The following CAPZA1 variants were observed in gnomAD, a reference collection of about 807,000 sequenced individuals.
The protein encoded by CAPZA1 is capping actin protein of muscle Z-line subunit alpha 1.
In CAPZA1, 10 loss-of-function variants were observed where a neutral mutation model predicts 40.8. The ratio of observed to expected loss-of-function variants is 0.25; its 90% CI spans 0.15 to 0.42. The LOEUF (loss-of-function observed/expected upper bound fraction) is 0.42. CAPZA1 is among the 10% of genes least tolerant of loss of function. CAPZA1 has a pLI of 1.00. For missense variants in CAPZA1, 277 were observed against 353.8 expected, an observed-to-expected ratio of 0.78 and a Z score of 1.74; for synonymous variants, 98 against 115.0, an observed-to-expected ratio of 0.85 and a Z score of 0.95.
chr1:112,643,361 C>A (rs59053530), intron 1 of CAPZA1, among the ~76,000 whole-genome samples: 3,126 of 152,238 alleles, frequency 0.021, 121 homozygotes, highest in African/African-American at 0.071. Flanking sequence ...CAGTTTTCAT[C>A]CCAGAAAAAA....
chr1:112,669,161 A>T (rs1202402184), intron 8 of CAPZA1, among the ~76,000 whole-genome samples: 1 of 152,230 alleles, frequency 6.6e-6, no homozygotes. Context: ...ATACCATTTT[A>T]AACCAGAAAT....
chr1:112,659,011 C>T lies in CAPZA1; in HGVS notation c.427-11C>T. ...TTGGAGTCTTTAACTATTTTTTTTTCCCAACAATAGGTTTATGCTAAAACT... is the reference window on the plus strand; with the variant it reads ...TTGGAGTCTTTAACTATTTTTTTTTTCCAACAATAGGTTTATGCTAAAACT... On this transcript the variant is annotated splice_polypyrimidine_tract_variant and intron_variant, in intron 5 of 9. Coordinates refer to ENST00000263168, the MANE Select transcript of CAPZA1 (RefSeq NM_006135.3). 1.3e-6 allele frequency: 2 copies of T among 1,585,640 alleles called. No homozygotes were observed. The highest frequency in any genetic ancestry group is 8.6e-7 in the Non-Finnish European group (1 of 1,158,818).
intron 1 of CAPZA1, among the ~76,000 whole-genome samples, chr1:112,645,524 C>G (rs1671262558): frequency 6.6e-6 from 1 of 151,940 alleles, no homozygotes; most frequent in Admixed American, 6.6e-5. Context: ...GTCTTAGCTA[C>G]TTGAGAGCTT....
chr1:112,657,351 C>T (rs1259488320), intron 5 of CAPZA1, among the ~76,000 whole-genome samples: 1 of 152,108 alleles, frequency 6.6e-6, no homozygotes, highest in Admixed American at 6.6e-5. Context: ...TCTGCATCAC[C>T]ACCACGTCAG....
intron 1 of CAPZA1, among the ~76,000 whole-genome samples, chr1:112,632,804 C>T (rs1203788901): frequency 6.6e-6 from 1 of 152,176 alleles, no homozygotes; most frequent in Admixed American, 6.5e-5. Flanking sequence ...TCTAATAAAA[C>T]TCTTAATTGG....
At chr1:112,633,946 A>G (rs1233825856) in intron 1 of CAPZA1, among the ~76,000 whole-genome samples, 1 of 152,026 alleles carries the variant, frequency 6.6e-6, no homozygotes, top group Non-Finnish European at 1.5e-5. Context: ...TTTTCTTGCT[A>G]TTGAGTTGTT....
intron 8 of CAPZA1, among the ~76,000 whole-genome samples, chr1:112,668,010 G>T (rs768833655): frequency 8.5e-5 from 13 of 152,092 alleles, no homozygotes; most frequent in African/African-American, 3.1e-4. Flanking sequence ...TGTGGGCCGG[G>T]AGTGGTGGCT....
At chr1:112,654,274 G>A (rs3790598) in intron 4 of CAPZA1, among the ~76,000 whole-genome samples, 191 bp from the exon 5 acceptor site, 17,741 of 152,144 alleles carry the variant, frequency 0.12, 1,327 homozygotes, top group Non-Finnish European at 0.16. Context: ...GGGATATTTT[G>A]TAGTTTAAAG....
chr1:112,647,026 A>G (rs537597841), intron 1 of CAPZA1, among the ~76,000 whole-genome samples, 184 bp from the exon 2 acceptor site: 5 of 152,236 alleles, frequency 3.3e-5, no homozygotes, highest in African/African-American at 4.8e-5. Context: ...GAATGTACCT[A>G]TATTGATAGT....
chr1:112,653,399 C>A (rs963065653), intron 3 of CAPZA1, among the ~76,000 whole-genome samples, 199 bp from the exon 4 acceptor site: 9 of 152,046 alleles, frequency 5.9e-5, no homozygotes, highest in Non-Finnish European at 1.3e-4. Context: ...CCAAGATCTC[C>A]GTAGAGAGGA....
At chr1:112,658,298 AT>A (rs939016296) in intron 5 of CAPZA1, among the ~76,000 whole-genome samples, 17 of 152,150 alleles carry the variant, frequency 1.1e-4, no homozygotes, top group African/African-American at 4.1e-4. Context: ...CAGTTTGTTA[AT>A]GACACCACCA....
intron 1 of CAPZA1, chr1:112,620,837 T>G (rs1670621057): frequency 6.6e-6 from 1 of 152,252 alleles, no homozygotes; most frequent in Non-Finnish European, 1.5e-5. Flanking sequence ...TAACAGTTTG[T>G]CAGGCTTTTC....
chr1:112,624,032 A>G (rs1254683728), intron 1 of CAPZA1, among the ~76,000 whole-genome samples: 6 of 151,234 alleles, frequency 4.0e-5, no homozygotes, highest in East Asian at 3.9e-4. Flanking sequence ...AAAAAAGAAA[A>G]GAAAAAGAAA....
intron 1 of CAPZA1, among the ~76,000 whole-genome samples, chr1:112,643,665 C>G (rs1671223931): frequency 6.6e-6 from 1 of 152,162 alleles, no homozygotes; most frequent in Non-Finnish European, 1.5e-5. Context: ...AATGGACCAA[C>G]AGAGACAGTT....
At chr1:112,664,890 G>A (rs531998749) in intron 7 of CAPZA1, among the ~76,000 whole-genome samples, 6 of 152,166 alleles carry the variant, frequency 3.9e-5, no homozygotes, top group East Asian at 3.9e-4. Context: ...AGCCGAGATC[G>A]TGCCATTGCA....
intron 1 of CAPZA1, among the ~76,000 whole-genome samples, chr1:112,641,972 T>TG (rs1671176644): frequency 6.9e-6 from 1 of 145,288 alleles, no homozygotes; most frequent in African/African-American, 2.4e-5. Flanking sequence ...AACATAGTTA[T>TG]TTGTTGTTTA....
At chr1:112,667,331 C>T (rs900387574) in intron 8 of CAPZA1, among the ~76,000 whole-genome samples, 186 bp downstream of exon 8, 1 of 152,178 alleles carries the variant, frequency 6.6e-6, no homozygotes, top group Non-Finnish European at 1.5e-5. Flanking sequence ...TTTTGACTCA[C>T]AATATTGATT....
chr1:112,650,423 G>T (rs936092131), intron 3 of CAPZA1, among the ~76,000 whole-genome samples: 2 of 152,068 alleles, frequency 1.3e-5, no homozygotes, highest in Non-Finnish European at 2.9e-5. Context: ...ATTATACATT[G>T]ATTTAAGGAA....
chr1:112,635,757 C>T (rs931175977), intron 1 of CAPZA1, among the ~76,000 whole-genome samples: 1 of 152,062 alleles, frequency 6.6e-6, no homozygotes, highest in Non-Finnish European at 1.5e-5. Flanking sequence ...GATGGCTGGG[C>T]TTAGTGGCTC....
Sources: gnomAD v4.1 joint callset for allele counts (sites outside exome capture counted in the v4.1 genomes callset) on GRCh38, gnomAD v4.1.1 for gene constraint, MANE v1.5 for transcripts, NCBI Gene and HGNC (gene_info 2026-07-23, HGNC 2026-07-21) for gene names.